SLC4A2: variants seen among roughly 807,000 people sequenced by gnomAD.
The protein encoded by SLC4A2 is solute carrier family 4 member 2, also known as anion exchange protein 2.
SLC4A2 carries 36 observed loss-of-function variants against 115.0 expected under a neutral mutation model. That is an observed-to-expected ratio of 0.31 (90% CI 0.24 to 0.41). The LOEUF is 0.41. SLC4A2 is among the 10% of genes least tolerant of loss of function. The pLI is 1.00. For missense variants in SLC4A2, 1,252 were observed against 1,705.6 expected (o/e 0.73, Z 4.68); for synonymous variants, 708 against 708.3 (o/e 1.00, Z 0.01).
chr7:151,072,269 A>G (rs150818339), intron 16 of SLC4A2, 133 bp downstream of exon 16: 3 of 676,028 alleles, frequency 4.4e-6, no homozygotes, highest in Non-Finnish European at 7.7e-6. Flanking sequence ...GCCAACACGT[A>G]TACCAGGGCT....
intron 2 of SLC4A2, 30 bp downstream of exon 2, chr7:151,062,068 A>G (rs1584980899): frequency 1.9e-6 from 3 of 1,598,556 alleles, no homozygotes; most frequent in Non-Finnish European, 2.6e-6. Context: ...CGCCAGCCCA[A>G]CCTTCCCTCC....
Position 151,075,611 on chromosome 7 carries a change from T to C in SLC4A2, c.3307T>C (p.Ser1103Pro), listed in dbSNP as rs1313129369. Residue 1103 changes from serine (S) to proline (P), a missense_variant, in exon 21 of 23, where the codon TCC (serine) becomes CCC (proline). Around this residue, in one of 14 missense-constraint regions of SLC4A2, gnomAD observed 253 missense variants for 407.4 expected, o/e 0.62. Transcript: ENST00000413384. ...TTCTCCTGCGCCTCCCGTAGGCCTCTCCATAGTTATCGGGGATCTGCTCCG... is the reference window on the plus strand; with the variant it reads ...TTCTCCTGCGCCTCCCGTAGGCCTCCCCATAGTTATCGGGGATCTGCTCCG... ...GLLVALLVGL[S>P]IVIGDLLRQI... is the part of the protein sequence containing the mutation. 1 of 1,592,100 alleles carries C rather than the reference T, an allele frequency of 6.3e-7. No homozygotes were observed. The highest frequency in any genetic ancestry group is 8.5e-7 in the Non-Finnish European group (1 of 1,172,756).
At position 151,069,964 on chromosome 7, in the gene SLC4A2, C is replaced by T. The variant is rs776444172; in HGVS notation, c.1165C>T (p.Leu389=). The T allele has an allele frequency of 3.7e-6, 6 of 1,614,000 alleles. No individual in the cohort carries two copies. Among genetic ancestry groups the T allele is most frequent in the Non-Finnish European group, 4.2e-6 (5 of 1,180,028 alleles). Residue 389 remains leucine (L), a synonymous_variant, in exon 9 of 23, where the codon CTG becomes TTG. Transcript: ENST00000413384. ...TLAHGAVLLD[L]DQQTLPGVAH... ...TATGCTAGGGGCTGTGCTCTTGGAT[C>T]TGGACCAGCAGACCCTGCCCGGAGT...
upstream of SLC4A2, chr7:151,058,325 A>C (rs1796950948): frequency 5.0e-6 from 1 of 201,296 alleles, no homozygotes. Flanking sequence ...GATCCCGGGC[A>C]CTGGCGGCCC....
At position 151,074,841 on chromosome 7, in the gene SLC4A2, C is replaced by T. The variant is rs1358475729; in HGVS notation, c.3047C>T (p.Thr1016Met). 15 of 1,604,594 alleles carry T rather than the reference C, an allele frequency of 9.3e-6. No individual in the cohort carries two copies. Among genetic ancestry groups the T allele is most frequent in the Middle Eastern group, 1.7e-4 (1 of 6,012 alleles). Reference sequence around the variant, plus strand: ...ATCTTCATGGAGACACAGATCACCACGTGAGTGGTCCTAGCCAAAGGGGTG... The same window carrying T: ...ATCTTCATGGAGACACAGATCACCATGTGAGTGGTCCTAGCCAAAGGGGTG... ...ILIFMETQIT[T>M]LIISKKERML... The change falls in exon 19 of 23, where the codon ACG becomes ATG. Residue 1016 changes from threonine (T) to methionine (M), a missense_variant and splice_region_variant. By Grantham distance (81) the Thr-to-Met change is moderately conservative. Around this residue, in one of 14 missense-constraint regions of SLC4A2, gnomAD observed 253 missense variants for 407.4 expected, o/e 0.62. Coordinates refer to ENST00000413384, the MANE Select transcript of SLC4A2 (RefSeq NM_003040.4).
chr7:151,063,650 C>T (rs1448318236), intron 2 of SLC4A2, among the ~76,000 whole-genome samples: 1 of 151,402 alleles, frequency 6.6e-6, no homozygotes, highest in Non-Finnish European at 1.5e-5. Flanking sequence ...GAAGGGATGT[C>T]TACTGGTAGG....
chr7:151,062,721 C>T (rs1376129786), intron 2 of SLC4A2: 5 of 1,415,040 alleles, frequency 3.5e-6, no homozygotes, highest in Non-Finnish European at 4.6e-6. Context: ...CGCCTCTCCC[C>T]GTCCCCTCGT....
At chr7:151,061,885 C>A (rs1268742037) in intron 1 of SLC4A2, 40 bp from the exon 2 acceptor site, 1 of 1,123,068 alleles carries the variant, frequency 8.9e-7, no homozygotes, top group Non-Finnish European at 1.3e-6. Flanking sequence ...TCCTGCCCTC[C>A]CAGGGCTCTC....
At chr7:151,066,140 G>A (rs1797220645) in intron 5 of SLC4A2, among the ~76,000 whole-genome samples, 1 of 152,192 alleles carries the variant, frequency 6.6e-6, no homozygotes, top group South Asian at 2.1e-4. Flanking sequence ...TGACTGTCAG[G>A]AAGCAGCGTC....
chr7:151,063,825 T>C (rs573422830), intron 2 of SLC4A2, among the ~76,000 whole-genome samples: 2 of 152,220 alleles, frequency 1.3e-5, no homozygotes, highest in Admixed American at 1.3e-4. Flanking sequence ...GCCTCCCAGG[T>C]TCAAGTAATT....
Position 151,074,756 on chromosome 7 carries a change from C to A in SLC4A2, c.2962C>A (p.Pro988Thr). The change falls in exon 19 of 23, where the codon CCC becomes ACC. Residue 988 changes from proline (P) to threonine (T), a missense_variant. Physicochemically the swap from Pro to Thr is conservative, Grantham distance 38. This residue lies in a region of SLC4A2 where 253 missense variants were observed against 407.4 expected (regional missense o/e 0.62). Transcript: ENST00000413384. ...WVINPLGEKS[P>T]FPVWMMVASL... Reference sequence around the variant, plus strand: ...CATCAACCCCCTGGGAGAGAAGAGCCCCTTCCCTGTGTGGATGATGGTTGC... The same window carrying A: ...CATCAACCCCCTGGGAGAGAAGAGCACCTTCCCTGTGTGGATGATGGTTGC... The A allele has an allele frequency of 1.2e-6, 2 of 1,613,870 alleles. No individual in the cohort carries two copies. Among genetic ancestry groups the A allele is most frequent in the Non-Finnish European group, 1.7e-6 (2 of 1,179,946 alleles).
chr7:151,073,892 G>T, intron 16 of SLC4A2, 147 bp from the exon 17 acceptor site: 2 of 847,594 alleles, frequency 2.4e-6, no homozygotes. Flanking sequence ...CTGGTTCTCT[G>T]GGTCATTGTC....
In SLC4A2 at chr7:151,070,531, G is replaced by A; in HGVS notation, c.1524G>A (p.Glu508=). The A allele has an allele frequency of 6.2e-7, 1 of 1,613,850 alleles. No individual in the cohort carries two copies. Among genetic ancestry groups the A allele is most frequent in the Non-Finnish European group, 8.5e-7 (1 of 1,179,938 alleles). The change falls in exon 11 of 23, where the codon GAG becomes GAA. Residue 508 remains glutamate, a synonymous_variant. Coordinates refer to ENST00000413384, the MANE Select transcript of SLC4A2 (RefSeq NM_003040.4). The part of the protein sequence containing the change: ...SKSKHELKLL[E]KIPENAEATV... The stretch of plus-strand genomic sequence containing the variant: ...CCAAGCACGAGCTGAAACTGCTGGA[G>A]AAGATTCCTGAGAATGCCGAGGCCA...
chr7:151,075,786 C>T lies in SLC4A2; in HGVS notation c.3471+11C>T. 1 of 1,596,474 alleles carries T rather than the reference C, an allele frequency of 6.3e-7. No individual in the cohort carries two copies. Among genetic ancestry groups the T allele is most frequent in the Non-Finnish European group, 8.6e-7 (1 of 1,166,766 alleles). On this transcript the variant is annotated intron_variant, in intron 21 of 22. Coordinates refer to ENST00000413384, the MANE Select transcript of SLC4A2 (RefSeq NM_003040.4). Reference sequence around the variant, plus strand: ...ACTTACGTCAAGAAGGTGAGCCCCCCAGCTCCCCACCGGAAGGGGTGTGCC... The same window carrying T: ...ACTTACGTCAAGAAGGTGAGCCCCCTAGCTCCCCACCGGAAGGGGTGTGCC...
At chr7:151,068,355 G>A (rs749846730) in intron 8 of SLC4A2, among the ~76,000 whole-genome samples, 3 of 152,176 alleles carry the variant, frequency 2.0e-5, no homozygotes, top group African/African-American at 4.8e-5. Context: ...GATCTAATCT[G>A]CAGCTGTGTA....
At position 151,067,863 on chromosome 7, in the gene SLC4A2, C is replaced by G. The variant is rs570483890; in HGVS notation, c.967-11C>G. 4 of 1,611,774 alleles carry G rather than the reference C, an allele frequency of 2.5e-6. No individual in the cohort carries two copies. The highest frequency in any genetic ancestry group is 3.4e-6 in the Non-Finnish European group (4 of 1,179,192). ...TCTGTACCCTGAAATGCCTTCTCTTCTCTCCCCAAGGTGTTTGTGGAGCTG... is the reference window on the plus strand; with the variant it reads ...TCTGTACCCTGAAATGCCTTCTCTTGTCTCCCCAAGGTGTTTGTGGAGCTG... On this transcript the variant is annotated splice_polypyrimidine_tract_variant and intron_variant, in intron 7 of 22. Transcript: ENST00000413384.
At position 151,060,382 on chromosome 7, in the gene SLC4A2, C is replaced by G. The variant is rs966228418; in HGVS notation, c.-64+620C>G. 6.6e-6 allele frequency among the ~76,000 whole-genome samples: 1 copy of G among 152,182 alleles called. No homozygotes were observed. The highest frequency in any genetic ancestry group is 6.5e-5 in the Admixed American group (1 of 15,290). ...CTACTTTATCCCCCTTCGTTTCCCC[C>G]GCCAGCCCCACATGGAAGAGCTGCG... On this transcript the variant is annotated intron_variant, in intron 1 of 22. Coordinates refer to ENST00000413384, the MANE Select transcript of SLC4A2 (RefSeq NM_003040.4). This position sits in a 1 kb window ranked among gnomAD's most constrained non-coding sequence, Gnocchi z 5.9.
intron 8 of SLC4A2, among the ~76,000 whole-genome samples, chr7:151,069,140 C>CAAAAAAAA (rs397978007): frequency 0.15 from 6,077 of 40,596 alleles, 1,391 homozygotes; most frequent in East Asian, 0.29. Flanking sequence ...CTCTTATCAC[C>CAAAAAAAA]AAAAAAAAAA....
At position 151,070,834 on chromosome 7, in the gene SLC4A2, C is replaced by T; in HGVS notation, c.1672C>T (p.Leu558=). The T allele has an allele frequency of 1.2e-6, 2 of 1,613,960 alleles. No homozygotes were observed. The highest frequency in any genetic ancestry group is 1.7e-5 in the Admixed American group (1 of 60,030). ...EVPVPVRFLF[L]LLGPSSANMD... is the part of the protein sequence containing the mutation. ...GCCGGTGCCTGTGCGTTTCCTCTTC[C>T]TGCTGCTGGGCCCGAGTAGTGCCAA... is the stretch of plus-strand genomic sequence containing the variant. Residue 558 remains leucine (L), a synonymous_variant, in exon 12 of 23, where the codon CTG becomes TTG. Transcript: ENST00000413384.
Sources: allele counts gnomAD v4.1 joint callset (sites outside exome capture counted in the v4.1 genomes callset), GRCh38; gene constraint gnomAD v4.1.1; regional missense constraint gnomAD v4.1.1; non-coding constraint Gnocchi (gnomAD v3.1); transcripts MANE v1.5; gene names NCBI Gene and HGNC (gene_info 2026-07-23, HGNC 2026-07-21).